The following MFHAS1 variants were observed in gnomAD, a reference collection of about 807,000 sequenced individuals.
The protein encoded by MFHAS1 is multifunctional ROCO family signaling regulator 1.
In MFHAS1, 50 loss-of-function variants were observed where a neutral mutation model predicts 70.4. The ratio of observed to expected loss-of-function variants is 0.71; its 90% CI spans 0.57 to 0.90. MFHAS1 has a LOEUF of 0.90. Ranked by LOEUF, MFHAS1 falls within the 40% of genes least tolerant of loss-of-function variation. The pLI is 0.00. For synonymous variants in MFHAS1, 952 were observed against 620.0 expected, an observed-to-expected ratio of 1.54 and a Z score of -7.96; for missense variants, 1,795 against 1,347.6, an observed-to-expected ratio of 1.33 and a Z score of -5.20.
intron 1 of MFHAS1, among the ~76,000 whole-genome samples, chr8:8,808,997 C>G (rs1470653227): frequency 6.6e-6 from 1 of 152,136 alleles, no homozygotes; most frequent in Non-Finnish European, 1.5e-5. Context: ...ACCACCGGAG[C>G]TCCATCTCCT....
intron 1 of MFHAS1, among the ~76,000 whole-genome samples, chr8:8,815,405 C>T (rs1002911601): frequency 2.6e-5 from 4 of 152,056 alleles, no homozygotes; most frequent in Admixed American, 6.6e-5. Flanking sequence ...CTGGGTCAAA[C>T]GGTATTTCTG....
intron 1 of MFHAS1, among the ~76,000 whole-genome samples, chr8:8,811,882 G>A (rs757666749): frequency 3.3e-5 from 5 of 152,296 alleles, no homozygotes; most frequent in African/African-American, 1.2e-4. Flanking sequence ...GGGGGCCAGA[G>A]TCCACACCCT....
chr8:8,844,499 G>A (rs1807954133), intron 1 of MFHAS1, among the ~76,000 whole-genome samples: 2 of 152,086 alleles, frequency 1.3e-5, no homozygotes, highest in Admixed American at 1.3e-4. Flanking sequence ...CATGACTCTT[G>A]CACCAGCTTC....
At chr8:8,787,472 A>C (rs1320598362) in intron 2 of MFHAS1, among the ~76,000 whole-genome samples, 1 of 152,136 alleles carries the variant, frequency 6.6e-6, no homozygotes, top group Non-Finnish European at 1.5e-5. Context: ...CAGGCCTTTC[A>C]CTAGGGTGAT....
rs578113681 is a variant in MFHAS1, at chr8:8,805,392, C to T, written c.2999-7901G>A. The stretch of plus-strand genomic sequence containing the variant: ...TTTTGTGTGTCACATATAGCATGTG[C>T]TGTATTCTTACAATAAAATAAGCTA... On this transcript the variant is annotated intron_variant, in intron 1 of 2. Transcript: ENST00000276282. 1.1e-4 allele frequency among the ~76,000 whole-genome samples: 17 copies of T among 152,240 alleles called. No homozygotes were observed. The South Asian group carries it at 3.3e-3, about 30-fold the overall frequency.
At chr8:8,813,822 C>T (rs1806637822) in intron 1 of MFHAS1, among the ~76,000 whole-genome samples, 1 of 152,142 alleles carries the variant, frequency 6.6e-6, no homozygotes, top group Non-Finnish European at 1.5e-5. Context: ...AAGTCTACAG[C>T]AGCAGTAACG....
intron 1 of MFHAS1, among the ~76,000 whole-genome samples, chr8:8,808,933 T>C (rs558946789): frequency 8.5e-5 from 13 of 152,196 alleles, no homozygotes; most frequent in Admixed American, 3.3e-4. Flanking sequence ...AGGTGAGTGG[T>C]AGGTGAGCAG....
In MFHAS1 at chr8:8,817,257, T is replaced by C. The variant is rs1451361701; in HGVS notation, c.2999-19766A>G. On this transcript the variant is annotated intron_variant, in intron 1 of 2. Coordinates refer to ENST00000276282, the MANE Select transcript of MFHAS1 (RefSeq NM_004225.3). Reference sequence around the variant, plus strand: ...CTATGAGAAAATTTACCCTGGCTTCTATGAAAGGAAAAAAAAAAAGCACTT... The same window carrying C: ...CTATGAGAAAATTTACCCTGGCTTCCATGAAAGGAAAAAAAAAAAGCACTT... 2.0e-5 allele frequency among the ~76,000 whole-genome samples: 3 copies of C among 151,746 alleles called. No individual in the cohort carries two copies. The East Asian group carries it at 5.8e-4, about 29-fold the overall frequency.
chr8:8,784,134 T>C lies in MFHAS1; in HGVS notation c.*1888A>G, dbSNP rs1170568288. On this transcript the variant is annotated 3_prime_UTR_variant, in exon 3 of 3. Transcript: ENST00000276282. ...TGGTCCCCGGGGAGTTAGCCCAAAA[T>C]CATACAAATAAGCCTTTTTCTAAAG... 2 of 152,130 alleles carry C rather than the reference T, an allele frequency of 1.3e-5. No individual in the cohort carries two copies. Among genetic ancestry groups the C allele is most frequent in the Non-Finnish European group, 2.9e-5 (2 of 68,014 alleles). 9.4% of individuals were successfully genotyped at this position (152,130 alleles called of 1,614,324 possible).
At chr8:8,873,849 C>T (rs529967818) in intron 1 of MFHAS1, among the ~76,000 whole-genome samples, 5 of 152,176 alleles carry the variant, frequency 3.3e-5, no homozygotes, top group Non-Finnish European at 5.9e-5. Flanking sequence ...GAACATCATT[C>T]TTGCTGCCAC....
intron 1 of MFHAS1, among the ~76,000 whole-genome samples, chr8:8,853,304 C>A (rs1359351417): frequency 6.6e-6 from 1 of 152,044 alleles, no homozygotes; most frequent in East Asian, 1.9e-4. Context: ...AGCTCCTGTC[C>A]TACCTGCCCC....
At position 8,787,943 on chromosome 8, in the gene MFHAS1, C is replaced by T. The variant is rs757127010; in HGVS notation, c.3126-1888G>A. The stretch of plus-strand genomic sequence containing the variant: ...ACATTTGGGATCTTAGAGAAAACAA[C>T]CATCAAAATCACCAACCTTCTCTGT... On this transcript the variant is annotated intron_variant, in intron 2 of 2. Transcript: ENST00000276282. Among the ~76,000 whole-genome samples the T allele has an allele frequency of 9.2e-5, 14 of 152,200 alleles. 1 individual carries two copies. The highest frequency in any genetic ancestry group is 2.1e-4 in the Non-Finnish European group (14 of 68,040).
chr8:8,839,772 G>T (rs1807734193), intron 1 of MFHAS1, among the ~76,000 whole-genome samples: 1 of 152,088 alleles, frequency 6.6e-6, no homozygotes, highest in South Asian at 2.1e-4. Context: ...TGTAACACGA[G>T]CCCAAAGAGT....
chr8:8,876,171 A>G (rs377083512), intron 1 of MFHAS1, among the ~76,000 whole-genome samples: 15 of 152,218 alleles, frequency 9.9e-5, no homozygotes, highest in East Asian at 7.7e-4. Context: ...CTAAAGTCAC[A>G]TAACTAAGAA....
intron 1 of MFHAS1, among the ~76,000 whole-genome samples, chr8:8,803,194 T>C (rs144389552): frequency 6.6e-6 from 1 of 152,206 alleles, no homozygotes; most frequent in African/African-American, 2.4e-5. Context: ...TTCAACCAAC[T>C]GCAGGTCGAA....
intron 1 of MFHAS1, among the ~76,000 whole-genome samples, chr8:8,852,861 G>A (rs1162442256): frequency 1.3e-5 from 2 of 152,160 alleles, no homozygotes; most frequent in Non-Finnish European, 1.5e-5. Flanking sequence ...GCCCCGATGA[G>A]TCAAATTTAC....
chr8:8,874,033 C>G (rs1333207151), intron 1 of MFHAS1, among the ~76,000 whole-genome samples: 1 of 152,140 alleles, frequency 6.6e-6, no homozygotes, highest in Middle Eastern at 3.2e-3. Context: ...AAAAAATTAC[C>G]TTGTTTCAAA....
At chr8:8,810,604 C>T (rs988109002) in intron 1 of MFHAS1, among the ~76,000 whole-genome samples, 1 of 152,198 alleles carries the variant, frequency 6.6e-6, no homozygotes, top group Non-Finnish European at 1.5e-5. Context: ...ATTTTCTAAA[C>T]ATTTTCTTTC....
chr8:8,799,333 T>G (rs572032318), intron 1 of MFHAS1, among the ~76,000 whole-genome samples: 5 of 152,328 alleles, frequency 3.3e-5, no homozygotes, highest in Non-Finnish European at 7.4e-5. Flanking sequence ...AAACTATTAT[T>G]ATGCTGCATT....
Sources: gnomAD v4.1 joint callset for allele counts (sites outside exome capture counted in the v4.1 genomes callset) on GRCh38, gnomAD v4.1.1 for gene constraint, MANE v1.5 for transcripts, NCBI Gene and HGNC (gene_info 2026-07-23, HGNC 2026-07-21) for gene names.